Variants in DMXL2 observed in about 807,000 individuals in gnomAD.
DMXL2 encodes the protein Dmx like 2, also known as dmX-like protein 2.
In DMXL2, 103 loss-of-function variants were observed where a neutral mutation model predicts 331.1. The observed-to-expected ratio is 0.31, with a 90% CI of 0.27 to 0.37. The LOEUF (loss-of-function observed/expected upper bound fraction) is 0.37. Among genes scored for constraint, DMXL2 ranks in the 10% least tolerant of loss-of-function variants. The pLI, the probability that DMXL2 is intolerant of heterozygous loss-of-function variation, is 1.00. For synonymous variants in DMXL2, 1,281 were observed against 1,252.1 expected, an observed-to-expected ratio of 1.02 and a Z score of -0.49; for missense variants, 3,171 against 3,642.9, an observed-to-expected ratio of 0.87 and a Z score of 3.33.
intron 42 of DMXL2, 51 bp downstream of exon 42, chr15:51,451,592 TGG>T: frequency 7.4e-7 from 1 of 1,358,152 alleles, no homozygotes; most frequent in Non-Finnish European, 1.0e-6. Flanking sequence ...CATTCCTTCA[TGG>T]TGTATTATTC....
chr15:51,600,913 G>A (rs946070868), intron 1 of DMXL2, among the ~76,000 whole-genome samples: 2 of 152,000 alleles, frequency 1.3e-5, no homozygotes, highest in Admixed American at 1.3e-4. Context: ...ATAATCCCTG[G>A]AGCCCCATCA....
At chr15:51,480,183 A>AT in intron 24 of DMXL2, 44 bp from the exon 25 acceptor site, 1 of 1,457,270 alleles carries the variant, frequency 6.9e-7, no homozygotes, top group Non-Finnish European at 9.2e-7. Flanking sequence ...AGTTTAAAAA[A>AT]TTTTATCAGT....
intron 19 of DMXL2, among the ~76,000 whole-genome samples, chr15:51,492,131 C>T (rs1241690389): frequency 6.6e-6 from 1 of 152,218 alleles, no homozygotes; most frequent in Non-Finnish European, 1.5e-5. Flanking sequence ...GGCCCAGGCC[C>T]GATTCCAGGT....
At chr15:51,596,209 C>T (rs2052789418) in intron 1 of DMXL2, among the ~76,000 whole-genome samples, 1 of 152,120 alleles carries the variant, frequency 6.6e-6, no homozygotes, top group African/African-American at 2.4e-5. Flanking sequence ...ACAATGAACT[C>T]AAACAAATCT....
At chr15:51,449,530 C>T (rs953161526) in intron 43 of DMXL2, among the ~76,000 whole-genome samples, 3 of 152,208 alleles carry the variant, frequency 2.0e-5, no homozygotes, top group Admixed American at 6.5e-5. Flanking sequence ...GTGGTACAGA[C>T]AGTCCCCTAC....
intron 13 of DMXL2, among the ~76,000 whole-genome samples, chr15:51,527,458 G>A (rs1430187601): frequency 6.6e-6 from 1 of 152,150 alleles, no homozygotes; most frequent in Non-Finnish European, 1.5e-5. Context: ...GCCAGGCGTG[G>A]TGGCTCATGC....
chr15:51,482,420 T>C (rs992343133), intron 23 of DMXL2, among the ~76,000 whole-genome samples: 5 of 152,074 alleles, frequency 3.3e-5, no homozygotes, highest in Non-Finnish European at 5.9e-5. Context: ...AAACTTAACA[T>C]CTAAGAAGAA....
At chr15:51,489,569 T>G (rs543861387) in intron 20 of DMXL2, among the ~76,000 whole-genome samples, 2 of 151,810 alleles carry the variant, frequency 1.3e-5, no homozygotes, top group African/African-American at 4.8e-5. Context: ...TTGGGAGAAT[T>G]GCTTCAACCC....
intron 14 of DMXL2, among the ~76,000 whole-genome samples, chr15:51,516,741 G>C (rs76126225): frequency 0.012 from 1,769 of 152,290 alleles, 27 homozygotes; most frequent in East Asian, 0.026. Flanking sequence ...CATCACCCAA[G>C]TAGTGTACAC....
intron 16 of DMXL2, 103 bp from the exon 17 acceptor site, chr15:51,503,136 AAG>A: frequency 1.2e-6 from 1 of 864,638 alleles, no homozygotes; most frequent in Non-Finnish European, 1.7e-6. Context: ...AGCTTCTTAA[AAG>A]TATTTTGGAG....
intron 34 of DMXL2, 86 bp from the exon 35 acceptor site, chr15:51,458,881 TAAG>T (rs1161295112): frequency 2.2e-5 from 26 of 1,161,886 alleles, no homozygotes; most frequent in Non-Finnish European, 2.8e-5. Context: ...AAATGTAGGA[TAAG>T]AAGAAAATGT....
Position 51,601,304 on chromosome 15 carries a change from A to AAAAAAAAAAT in DMXL2, c.87+21154_87+21155insATTTTTTTTT, listed in dbSNP as rs1567173386. On this transcript the variant is annotated intron_variant, in intron 1 of 43. Coordinates refer to ENST00000560891, the MANE Select transcript of DMXL2 (RefSeq NM_001378457.1). Reference sequence around the variant, plus strand: ...AGACTCCATCTCAAAAAAAAAAAAAAAAATTTGATGTTTTAAGAAATCTTT... The same window carrying AAAAAAAAAAT: ...AGACTCCATCTCAAAAAAAAAAAAAAAAAAAAAAATAAATTTGATGTTTTAAGAAATCTTT... Among the ~76,000 whole-genome samples the AAAAAAAAAAT allele has an allele frequency of 2.1e-4, 32 of 151,664 alleles. 1 individual carries two copies. The South Asian group carries it at 5.4e-3, about 26-fold the overall frequency.
intron 4 of DMXL2, among the ~76,000 whole-genome samples, chr15:51,564,848 T>G (rs1282019108): frequency 6.6e-6 from 1 of 152,036 alleles, no homozygotes; most frequent in Non-Finnish European, 1.5e-5. Flanking sequence ...ACACATTAAC[T>G]AGGAAACAAA....
chr15:51,477,095 T>C (rs947132545), intron 26 of DMXL2, among the ~76,000 whole-genome samples: 8 of 152,078 alleles, frequency 5.3e-5, no homozygotes, highest in African/African-American at 1.7e-4. Flanking sequence ...CAGGGACTAG[T>C]AGGTTGCATT....
At chr15:51,498,018 A>T (rs149955112) in intron 18 of DMXL2, among the ~76,000 whole-genome samples, 1 of 152,176 alleles carries the variant, frequency 6.6e-6, no homozygotes, top group Non-Finnish European at 1.5e-5. Flanking sequence ...GGACTGCTTG[A>T]GCTCAGGAAT....
rs2043408023 is a variant in DMXL2 at position 51,499,271 on chromosome 15, G to T, written c.3953C>A (p.Ser1318Tyr). 6.2e-7 allele frequency: 1 copy of T among 1,613,842 alleles called. No homozygotes were observed. ...RKSVVEGTAI[S>Y]DDVFCSPTVI... Reference sequence around the variant, plus strand: ...AGTTGGTGAACAAAAAACATCATCAGAAATAGCTGTTCCTTCAACAACACT... The same window carrying T: ...AGTTGGTGAACAAAAAACATCATCATAAATAGCTGTTCCTTCAACAACACT... Residue 1318 changes from serine (S) to tyrosine (Y), a missense_variant, in exon 18 of 44, where the codon TCT becomes TAT. This residue lies in a region of DMXL2 where 1,674 missense variants were observed against 1,780.2 expected (regional missense o/e 0.94). Transcript: ENST00000560891.
At position 51,536,387 on chromosome 15, in the gene DMXL2, T is replaced by C. The variant is rs2048288851; in HGVS notation, c.2093A>G (p.His698Arg). ...KLSRLMDPVK[H>R]IKGSSKQPLR... ...AGGTTGTTTCGAGGAACCTTTTATA[T>C]GTTTTACAGGGTCCATTAATCTACT... Residue 698 changes from histidine to arginine, a missense_variant, in exon 12 of 44, where the codon CAT becomes CGT. Around this residue, in one of 7 missense-constraint regions of DMXL2, gnomAD observed 1,674 missense variants for 1,780.2 expected, o/e 0.94. Coordinates refer to ENST00000560891, the MANE Select transcript of DMXL2 (RefSeq NM_001378457.1). 2 of 1,613,426 alleles carry C rather than the reference T, an allele frequency of 1.2e-6. No individual in the cohort carries two copies. The highest frequency in any genetic ancestry group is 1.7e-6 in the Non-Finnish European group (2 of 1,179,768).
At chr15:51,591,690 G>C (rs1317114210) in intron 1 of DMXL2, among the ~76,000 whole-genome samples, 1 of 152,196 alleles carries the variant, frequency 6.6e-6, no homozygotes, top group Non-Finnish European at 1.5e-5. Context: ...AGTAGGGGCA[G>C]ACTGACACCG....
At chr15:51,531,448 A>G (rs965519623) in intron 13 of DMXL2, among the ~76,000 whole-genome samples, 1 of 152,218 alleles carries the variant, frequency 6.6e-6, no homozygotes, top group African/African-American at 2.4e-5. Flanking sequence ...AACATTGGGG[A>G]AACTTTCCAG....
Sources: allele counts gnomAD v4.1 joint callset (sites outside exome capture counted in the v4.1 genomes callset), GRCh38; gene constraint gnomAD v4.1.1; regional missense constraint gnomAD v4.1.1; transcripts MANE v1.5; gene names NCBI Gene and HGNC (gene_info 2026-07-23, HGNC 2026-07-21).